The following MAP4 variants were observed in gnomAD, a reference collection of about 807,000 sequenced individuals.
MAP4 encodes the protein microtubule-associated protein 4.
Under a neutral mutation model 170.2 loss-of-function variants are expected in MAP4, and 76 were observed. The observed-to-expected ratio is 0.45, with a 90% confidence interval of 0.37 to 0.54. The LOEUF (loss-of-function observed/expected upper bound fraction) is 0.54. MAP4 is among the 20% of genes least tolerant of loss of function. The pLI is 0.00. For synonymous variants in MAP4, 909 were observed against 994.5 expected, an observed-to-expected ratio of 0.91 and a Z score of 1.62; for missense variants, 2,506 against 2,748.0, an observed-to-expected ratio of 0.91 and a Z score of 1.97.
At chr3:47,892,627 TCTC>T in intron 10 of MAP4, 1 of 1,414,950 alleles carries the variant, frequency 7.1e-7, no homozygotes, top group Non-Finnish European at 9.2e-7. Flanking sequence ...AATGCCCCTC[TCTC>T]CTCAAGCAGT....
upstream of MAP4, among the ~76,000 whole-genome samples, chr3:48,019,575 T>A (rs747259976): frequency 1.3e-4 from 20 of 151,850 alleles, no homozygotes; most frequent in Admixed American, 2.0e-4. Flanking sequence ...TTTTGAGAAC[T>A]ATTTTATTAA....
At chr3:48,028,118 C>T (rs2100114051) in intron 1 of MAP4, among the ~76,000 whole-genome samples, 2 of 152,112 alleles carry the variant, frequency 1.3e-5, no homozygotes, top group South Asian at 4.1e-4. Flanking sequence ...ATAGTGAAAC[C>T]TCATCTCTAC....
chr3:48,067,376 T>C (rs531479408), intron 1 of MAP4, among the ~76,000 whole-genome samples: 3 of 152,302 alleles, frequency 2.0e-5, no homozygotes, highest in Non-Finnish European at 4.4e-5. Context: ...TGCGCCAAGC[T>C]GGATTGCAGT....
At chr3:48,046,966 C>T (rs9817123) in intron 1 of MAP4, among the ~76,000 whole-genome samples, 6,287 of 151,890 alleles carry the variant, frequency 0.041, 434 homozygotes, top group African/African-American at 0.14. Flanking sequence ...TGGTGGCAGG[C>T]GCCTGTAGTC....
At chr3:48,061,245 C>G (rs892810420) in intron 1 of MAP4, among the ~76,000 whole-genome samples, 25 of 151,480 alleles carry the variant, frequency 1.7e-4, no homozygotes, top group African/African-American at 5.6e-4. Flanking sequence ...GATGCCGAGC[C>G]GAAGCTGGAC....
At chr3:47,928,031 G>A (rs576027210) in intron 4 of MAP4, among the ~76,000 whole-genome samples, 197 bp downstream of exon 4, 1 of 152,338 alleles carries the variant, frequency 6.6e-6, no homozygotes, top group East Asian at 1.9e-4. Flanking sequence ...AATAGGTTTT[G>A]AAGAGCAGGG....
intron 17 of MAP4, among the ~76,000 whole-genome samples, chr3:47,861,030 C>G (rs2150718960): frequency 6.6e-6 from 1 of 152,140 alleles, no homozygotes; most frequent in East Asian, 1.9e-4. Flanking sequence ...TCGAGAACAG[C>G]CTGGCCAACA....
intron 3 of MAP4, among the ~76,000 whole-genome samples, chr3:47,947,078 C>T (rs2100060514): frequency 1.3e-5 from 2 of 152,232 alleles, no homozygotes; most frequent in Admixed American, 6.5e-5. Context: ...AGAAAAACCA[C>T]TTTCCCAAGT....
Position 47,910,636 on chromosome 3 carries a change from A to G in MAP4, c.3785T>C (p.Phe1262Ser), listed in dbSNP as rs1349405597. The change falls in exon 9 of 21, where the codon TTT (phenylalanine) becomes TCT (serine). Residue 1262 changes from phenylalanine to serine, a missense_variant. This residue lies in a region of MAP4 where 2,008 missense variants were observed against 2,206.0 expected (regional missense o/e 0.91). Transcript: ENST00000683076. ...AGAATCATGCATTTTGGGGAAAGTA[A>G]ATCCTATTTCCTTGCTTTTATGGGG... is the stretch of plus-strand genomic sequence containing the variant. ...SIPHKSKEIG[F>S]TFPKMHDSSF... 6.5e-7 allele frequency: 1 copy of G among 1,536,072 alleles called. No homozygotes were observed. The highest frequency in any genetic ancestry group is 1.2e-5 in the South Asian group (1 of 84,060).
At chr3:47,968,032 G>A (rs753629953) in intron 3 of MAP4, among the ~76,000 whole-genome samples, 6 of 152,170 alleles carry the variant, frequency 3.9e-5, no homozygotes, top group Non-Finnish European at 8.8e-5. Flanking sequence ...TAGTTGTAGC[G>A]ATCATTTGTG....
At position 47,966,043 on chromosome 3, in the gene MAP4, T is replaced by A. The variant is rs372119890; in HGVS notation, c.292+11822A>T. On this transcript the variant is annotated intron_variant, in intron 3 of 20. Transcript: ENST00000683076. The stretch of plus-strand genomic sequence containing the variant: ...AGGTCTTTGATCCATTTTAAGTTAA[T>A]TTTTGAATATAAGATAATGGTCCCA... Among the ~76,000 whole-genome samples the A allele has an allele frequency of 3.7e-3, 562 of 151,978 alleles. 2 individuals are homozygous for A. The highest frequency in any genetic ancestry group is 9.6e-3 in the African/African-American group (399 of 41,452).
chr3:48,077,377 C>T (rs979729962), intron 1 of MAP4, among the ~76,000 whole-genome samples: 2 of 149,360 alleles, frequency 1.3e-5, no homozygotes, highest in Admixed American at 6.7e-5. Flanking sequence ...ACCCGGGAGG[C>T]GGAGGTTGCC....
chr3:48,075,424 C>A (rs1225743482), intron 1 of MAP4, among the ~76,000 whole-genome samples: 1 of 151,918 alleles, frequency 6.6e-6, no homozygotes, highest in African/African-American at 2.4e-5. Flanking sequence ...ACTCAAGACG[C>A]AGAGGCAGGA....
At chr3:47,948,038 C>T (rs1156723069) in intron 3 of MAP4, among the ~76,000 whole-genome samples, 2 of 150,826 alleles carry the variant, frequency 1.3e-5, no homozygotes, top group African/African-American at 4.9e-5. Flanking sequence ...ACTCTTGTTG[C>T]CCAGGCTGGA....
Position 47,909,174 on chromosome 3 carries a change from C to G in MAP4, c.5247G>C (p.Gly1749=), listed in dbSNP as rs777261498. 6.2e-7 allele frequency: 1 copy of G among 1,613,962 alleles called. No homozygotes were observed. Among genetic ancestry groups the G allele is most frequent in the Non-Finnish European group, 8.5e-7 (1 of 1,179,884 alleles). Residue 1749 remains glycine (G), a synonymous_variant, in exon 9 of 21, where the codon GGG becomes GGC. Coordinates refer to ENST00000683076, the MANE Select transcript of MAP4 (RefSeq NM_001385682.1). ...EKSESKTPGE[G]KKEDKSRMAE... ...CCATTCTGCTTTTATCTTCCTTTTT[C>G]CCTTCTCCTGGTGTCTTTGATTCAG...
intron 4 of MAP4, among the ~76,000 whole-genome samples, chr3:47,925,045 C>T (rs1455056353): frequency 1.3e-5 from 2 of 152,132 alleles, no homozygotes; most frequent in Non-Finnish European, 2.9e-5. Flanking sequence ...CTCTTGACCT[C>T]GTGATCCACC....
rs370016852 is a variant in MAP4, at chr3:48,084,560, T to C, written c.-20+4213A>G. ...GAATATGATCCCCTATATGTATCAG[T>C]GTGCTTTATTACCCCTTTTTTTTTT... On this transcript the variant is annotated intron_variant, in intron 1 of 18. Coordinates refer to the MAP4 transcript ENST00000360240. Among the ~76,000 whole-genome samples, 47 of 151,848 alleles carry C rather than the reference T, an allele frequency of 3.1e-4. 8 individuals carry two copies. Among genetic ancestry groups the C allele is most frequent in the Admixed American group, 2.1e-3 (32 of 15,216 alleles).
intron 12 of MAP4, among the ~76,000 whole-genome samples, chr3:47,875,040 C>A (rs2094841699): frequency 6.6e-6 from 1 of 152,176 alleles, no homozygotes; most frequent in Non-Finnish European, 1.5e-5. Flanking sequence ...AGTTTCTGGG[C>A]AATACAGAAA....
At chr3:47,890,542 T>C (rs1274169899) in intron 10 of MAP4, among the ~76,000 whole-genome samples, 1 of 151,882 alleles carries the variant, frequency 6.6e-6, no homozygotes, top group Non-Finnish European at 1.5e-5. Context: ...TGCAACTTAA[T>C]GAGAGGAGGT....
Sources: gnomAD v4.1 joint callset for allele counts (sites outside exome capture counted in the v4.1 genomes callset) on GRCh38, gnomAD v4.1.1 for gene constraint, gnomAD v4.1.1 regional missense constraint, MANE v1.5 for transcripts, NCBI Gene and HGNC (gene_info 2026-07-23, HGNC 2026-07-21) for gene names.